The following UBR7 variants were observed in gnomAD, a reference collection of about 807,000 sequenced individuals.
UBR7 encodes ubiquitin protein ligase E3 component n-recognin 7.
UBR7 carries 22 observed loss-of-function variants against 57.0 expected under a neutral mutation model. The ratio of observed to expected loss-of-function variants is 0.39; its 90% CI spans 0.28 to 0.55. The LOEUF (loss-of-function observed/expected upper bound fraction) is 0.55. UBR7 is among the 20% of genes least tolerant of loss of function. The probability of loss-of-function intolerance (pLI) is 0.69; values close to 1 mark genes in which losing one functional copy is unlikely to be tolerated. For missense variants in UBR7, 395 were observed against 513.2 expected, an observed-to-expected ratio of 0.77 and a Z score of 2.23; for synonymous variants, 167 against 179.8, an observed-to-expected ratio of 0.93 and a Z score of 0.57.
rs1476282563 is a variant in UBR7, at chr14:93,228,678, T to C, written c.*1643T>C. On this transcript the variant is annotated 3_prime_UTR_variant, in exon 11 of 11. Coordinates refer to ENST00000013070, the MANE Select transcript of UBR7 (RefSeq NM_175748.4). ...GGGCTCCGTTCAAAGGCTCGGGGTGTCTTTGAGGTTGTTTATCAAGCTGGG... is the reference window on the plus strand; with the variant it reads ...GGGCTCCGTTCAAAGGCTCGGGGTGCCTTTGAGGTTGTTTATCAAGCTGGG... 2.2e-6 allele frequency: 1 copy of C among 454,068 alleles called. No homozygotes were observed. Among genetic ancestry groups the C allele is most frequent in the Middle Eastern group, 6.9e-4 (1 of 1,444 alleles). The allele number at this position is 454,068 out of a possible 1,614,324, so 28.1% of individuals were successfully genotyped here. A position where few individuals can be genotyped will look rare whatever the true frequency, so the allele number is the denominator to read the frequency against.
intron 3 of UBR7, among the ~76,000 whole-genome samples, chr14:93,211,238 AAAAC>A (rs1366655344): frequency 2.6e-5 from 4 of 150,998 alleles, no homozygotes; most frequent in Non-Finnish European, 5.9e-5. Context: ...ACTCCATCTC[AAAAC>A]AAACAAACAA....
In UBR7 at chr14:93,212,023, A is replaced by G. The variant is rs767498502; in HGVS notation, c.346-9A>G. 6.9e-6 allele frequency: 11 copies of G among 1,590,984 alleles called. No individual in the cohort carries two copies. The South Asian group carries it at 1.2e-4, about 18-fold the overall frequency. On this transcript the variant is annotated splice_polypyrimidine_tract_variant and intron_variant, in intron 3 of 10. Transcript: ENST00000013070. The stretch of plus-strand genomic sequence containing the variant: ...CCATATTATTATTGAAATCAATATT[A>G]TATTTCAGGACAAAGCAAAGGTAAA...
At chr14:93,223,466 C>G in intron 10 of UBR7, 2 of 476,166 alleles carry the variant, frequency 4.2e-6, no homozygotes. Context: ...GGGAGGCTGG[C>G]TTGAGCCCTG....
rs112831328 is a variant in UBR7 at position 93,222,509 on chromosome 14, C to A, written c.1185+135C>A. ...CCTGTAATCCCAGTACTTTGGGAGG[C>A]CAATGTGGGTGGATCACAAGGTCAG... On this transcript the variant is annotated intron_variant, in intron 10 of 10. Coordinates refer to ENST00000013070, the MANE Select transcript of UBR7 (RefSeq NM_175748.4). 62 of 716,318 alleles carry A rather than the reference C, an allele frequency of 8.7e-5. No homozygotes were observed. In the African/African-American group the frequency reaches 9.4e-4, roughly 11 times the overall value. 44.4% of individuals were successfully genotyped at this position (716,318 alleles called of 1,614,324 possible).
intron 10 of UBR7, among the ~76,000 whole-genome samples, chr14:93,225,463 C>CAAA (rs59667536): frequency 1.8e-5 from 2 of 110,204 alleles, no homozygotes; most frequent in South Asian, 3.0e-4. Context: ...CCCGCCTCTA[C>CAAA]AAAAAAAAAA....
chr14:93,208,798 A>C (rs543316675), intron 1 of UBR7, among the ~76,000 whole-genome samples: 1 of 151,724 alleles, frequency 6.6e-6, no homozygotes, highest in East Asian at 1.9e-4. Flanking sequence ...ATACATATTC[A>C]CTTTTTTTTT....
rs367596047 is a variant in UBR7 at position 93,221,066 on chromosome 14, C to T, written c.1123+655C>T. ...GCTCAAGTGATTCTCCTGCCTCAGT[C>T]TCTCAAGTAGCTGTGACCACAGACG... On this transcript the variant is annotated intron_variant, in intron 9 of 10. Coordinates refer to ENST00000013070, the MANE Select transcript of UBR7 (RefSeq NM_175748.4). 8.5e-5 allele frequency among the ~76,000 whole-genome samples: 13 copies of T among 152,086 alleles called. No individual in the cohort carries two copies. The East Asian group carries it at 1.7e-3, about 20-fold the overall frequency.
At chr14:93,207,498 G>T in intron 1 of UBR7, 57 bp downstream of exon 1, 1 of 1,488,302 alleles carries the variant, frequency 6.7e-7, no homozygotes, top group Non-Finnish European at 8.9e-7. Context: ...TCCCCTTCCC[G>T]GCCCGGCTGT....
At position 93,220,344 on chromosome 14, in the gene UBR7, C is replaced by T. The variant is rs1330383426; in HGVS notation, c.1056C>T (p.Asp352=). The stretch of plus-strand genomic sequence containing the variant: ...AAGGGAAGATTGCCCAGGCCACTGA[C>T]AGGAGCGATCCCCTAATGGATACCC... ...ENKGKIAQAT[D]RSDPLMDTLS... is the part of the protein sequence containing the mutation. Residue 352 remains aspartate (D), a synonymous_variant, in exon 9 of 11, where the codon GAC becomes GAT. Coordinates refer to ENST00000013070, the MANE Select transcript of UBR7 (RefSeq NM_175748.4). 1.2e-6 allele frequency: 2 copies of T among 1,612,852 alleles called. No individual in the cohort carries two copies. Among genetic ancestry groups the T allele is most frequent in the Non-Finnish European group, 1.7e-6 (2 of 1,179,894 alleles).
In UBR7 at chr14:93,227,150, C is replaced by A. The variant is rs767937580; in HGVS notation, c.*115C>A. 9 of 738,186 alleles carry A rather than the reference C, an allele frequency of 1.2e-5. No individual in the cohort carries two copies. Among genetic ancestry groups the A allele is most frequent in the Non-Finnish European group, 1.9e-5 (8 of 430,282 alleles). 45.7% of individuals were successfully genotyped at this position (738,186 alleles called of 1,614,324 possible). On this transcript the variant is annotated 3_prime_UTR_variant, in exon 11 of 11. Transcript: ENST00000013070. ...TTCCGTCCTCCTCTGTTTGGAGAGGCCTCGCGCTCCCTTCATTCTCTTTAG... is the reference window on the plus strand; with the variant it reads ...TTCCGTCCTCCTCTGTTTGGAGAGGACTCGCGCTCCCTTCATTCTCTTTAG...
chr14:93,226,549 G>C (rs1458491937), intron 10 of UBR7, among the ~76,000 whole-genome samples: 5 of 152,194 alleles, frequency 3.3e-5, no homozygotes, highest in African/African-American at 1.2e-4. Context: ...CCAGCACTTT[G>C]GGAGGCCGAG....
chr14:93,225,509 T>C (rs1252491074), intron 10 of UBR7, among the ~76,000 whole-genome samples: 1 of 150,662 alleles, frequency 6.6e-6, no homozygotes, highest in Non-Finnish European at 1.5e-5. Context: ...GACGTGTGCC[T>C]GTGGTCCCAG....
Position 93,207,265 on chromosome 14 carries a change from G to T in UBR7, c.-27G>T, listed in dbSNP as rs373561165. On this transcript the variant is annotated 5_prime_UTR_variant, in exon 1 of 11. Transcript: ENST00000013070. The stretch of plus-strand genomic sequence containing the variant: ...CGCTTTTCCCGCCTCCGCCGGGGCC[G>T]AGCCGCTGTTCGGCTGACAGTTGAG... 4.5e-6 allele frequency: 7 copies of T among 1,550,114 alleles called. No homozygotes were observed. The highest frequency in any genetic ancestry group is 6.1e-6 in the Non-Finnish European group (7 of 1,147,256).
At chr14:93,210,505 T>C (rs1894460967) in intron 2 of UBR7, 143 bp from the exon 3 acceptor site, 1 of 696,216 alleles carries the variant, frequency 1.4e-6, no homozygotes, top group African/African-American at 1.8e-5. Flanking sequence ...TACTTGTGTG[T>C]TTGTATGTGA....
intron 3 of UBR7, 62 bp from the exon 4 acceptor site, chr14:93,211,967 TATA>T: frequency 7.8e-7 from 1 of 1,282,114 alleles, no homozygotes; most frequent in Non-Finnish European, 1.1e-6. Flanking sequence ...GCATAAATTT[TATA>T]ATGTGTGAAA....
At position 93,227,964 on chromosome 14, in the gene UBR7, T is replaced by A. The variant is rs781233990; in HGVS notation, c.*929T>A. 4.3e-6 allele frequency: 3 copies of A among 700,324 alleles called. No individual in the cohort carries two copies. The allele number at this position is 700,324 out of a possible 1,614,324, so 43.4% of individuals were successfully genotyped here. A position where few individuals can be genotyped will look rare whatever the true frequency, so the allele number is the denominator to read the frequency against. ...ATGGACCTATTTTGATATTCTGTTA[T>A]GAAAATGTTATTAGAACCCCAATAA... On this transcript the variant is annotated 3_prime_UTR_variant, in exon 11 of 11. Coordinates refer to ENST00000013070, the MANE Select transcript of UBR7 (RefSeq NM_175748.4).
chr14:93,207,472 C>T (rs1386745737), intron 1 of UBR7, 31 bp downstream of exon 1: 3 of 1,518,996 alleles, frequency 2.0e-6, no homozygotes, highest in East Asian at 2.4e-5. Flanking sequence ...TCCTCTCCCC[C>T]GGCTCCCGCC....
rs772591613 is a variant in UBR7, at chr14:93,209,986, A to C, written c.284+29A>C. The stretch of plus-strand genomic sequence containing the variant: ...AACATAGTCAAGAGATTGTTACTAA[A>C]TGCTTTTGAAGTATAGATTCTTTCC... On this transcript the variant is annotated intron_variant, in intron 2 of 10. Coordinates refer to ENST00000013070, the MANE Select transcript of UBR7 (RefSeq NM_175748.4). The C allele has an allele frequency of 1.1e-5, 18 of 1,611,768 alleles. No individual in the cohort carries two copies. The Admixed American group carries it at 2.8e-4, about 25-fold the overall frequency.
Position 93,226,948 on chromosome 14 carries a change from TAAG to T in UBR7, c.1193_1195del (p.Lys398del), listed in dbSNP as rs745984172. On this transcript the variant is annotated inframe_deletion, in exon 11 of 11. Coordinates refer to ENST00000013070, the MANE Select transcript of UBR7 (RefSeq NM_175748.4). ...TCTTTGCTTTTCAAAAACAGGTTGT[TAAG>T]AGAGAGGACATTCAGCAGTTCTTTG... The T allele has an allele frequency of 3.1e-6, 5 of 1,612,568 alleles. No homozygotes were observed. The highest frequency in any genetic ancestry group is 4.2e-6 in the Non-Finnish European group (5 of 1,179,054).
Sources: allele counts gnomAD v4.1 joint callset (sites outside exome capture counted in the v4.1 genomes callset), GRCh38; gene constraint gnomAD v4.1.1; transcripts MANE v1.5; gene names NCBI Gene and HGNC (gene_info 2026-07-23, HGNC 2026-07-21).